The following AKR1B10 variants were observed in gnomAD, a reference collection of about 807,000 sequenced individuals.
AKR1B10 encodes the protein aldo-keto reductase family 1 member B10.
Under a neutral mutation model 38.9 loss-of-function variants are expected in AKR1B10, and 39 were observed. The observed-to-expected ratio is 1.00, with a 90% CI of 0.78 to 1.31. The LOEUF (loss-of-function observed/expected upper bound fraction) is 1.31. AKR1B10 is among the 50% of genes most tolerant of loss of function. The probability of loss-of-function intolerance (pLI) is 0.00; values close to 1 mark genes in which losing one functional copy is unlikely to be tolerated. For synonymous variants in AKR1B10, 148 were observed against 141.2 expected (o/e 1.05, Z -0.34); for missense variants, 361 against 382.6 (o/e 0.94, Z 0.47).
rs763014179 is a variant in AKR1B10 at position 134,538,170 on chromosome 7, G to T, written c.742-24G>T. 7.5e-6 allele frequency: 12 copies of T among 1,604,518 alleles called. No individual in the cohort carries two copies. The Admixed American group carries it at 1.0e-4, about 13-fold the overall frequency. On this transcript the variant is annotated intron_variant, in intron 7 of 9. Transcript: ENST00000359579. ...GAGGGGTCTTTGGAGCTGAGTGGAA[G>T]CCTGATGTCCCCTTTCCGCATAGGT...
At chr7:134,534,443 A>AT (rs1464369786) in intron 4 of AKR1B10, among the ~76,000 whole-genome samples, 4 of 152,140 alleles carry the variant, frequency 2.6e-5, no homozygotes, top group South Asian at 2.1e-4. Context: ...ATATGATAAG[A>AT]TTTTTTTATC....
intron 1 of AKR1B10, among the ~76,000 whole-genome samples, chr7:134,529,091 A>C (rs923154194): frequency 1.3e-5 from 2 of 152,164 alleles, no homozygotes; most frequent in African/African-American, 4.8e-5. Context: ...GATGAGAAGC[A>C]GTCTTTGGAG....
rs750907491 is a variant in AKR1B10 at position 134,530,815 on chromosome 7, A to G, written c.234+5A>G. 1.2e-6 allele frequency: 2 copies of G among 1,607,034 alleles called. No individual in the cohort carries two copies. Among genetic ancestry groups the G allele is most frequent in the Non-Finnish European group, 1.7e-6 (2 of 1,176,540 alleles). On this transcript the variant is annotated splice_donor_5th_base_variant and intron_variant, in intron 2 of 9. Transcript: ENST00000359579. ...GACCTGTTCATCGTCAGCAAGGTGC[A>G]ATGGTGCATTTGGTGGGAGGCCTTC...
chr7:134,536,710 C>T lies in AKR1B10; in HGVS notation c.490C>T (p.His164Tyr), dbSNP rs377213229. The T allele has an allele frequency of 1.9e-6, 3 of 1,613,906 alleles. No homozygotes were observed. The highest frequency in any genetic ancestry group is 2.5e-6 in the Non-Finnish European group (3 of 1,179,828). ...VKALGVSNFS[H>Y]FQIEKLLNKP... ...AGCCCTTGGGGTCTCCAATTTCAGCCACTTCCAGATCGAGAAGCTCTTGAA... is the reference window on the plus strand; with the variant it reads ...AGCCCTTGGGGTCTCCAATTTCAGCTACTTCCAGATCGAGAAGCTCTTGAA... Residue 164 changes from histidine (H) to tyrosine (Y), a missense_variant, in exon 5 of 10, where the codon CAC becomes TAC. His to Tyr is a moderately conservative substitution (Grantham distance 83, BLOSUM62 2). This residue lies in a region of AKR1B10 where 220 missense variants were observed against 216.1 expected (regional missense o/e 1.02). Transcript: ENST00000359579.
At position 134,527,724 on chromosome 7, in the gene AKR1B10, T is replaced by TTTCATTAA; in HGVS notation, c.-188_-187insTTCATTAA. The TTTCATTAA allele has an allele frequency of 2.0e-6, 1 of 499,804 alleles. No homozygotes were observed. The highest frequency in any genetic ancestry group is 3.3e-6 in the Non-Finnish European group (1 of 307,390). 31.0% of individuals were successfully genotyped at this position (499,804 alleles called of 1,614,324 possible). On this transcript the variant is annotated 5_prime_UTR_variant, in exon 1 of 10. Transcript: ENST00000359579. Reference sequence around the variant, plus strand: ...AGCTGGGAGTCACGGTGGGCGCCTGTAATCCCAGCTACTCGGGAGGCTGAG... The same window carrying TTTCATTAA: ...AGCTGGGAGTCACGGTGGGCGCCTGTTTCATTAAAATCCCAGCTACTCGGGAGGCTGAG...
At chr7:134,541,001 G>C (rs765632712) in intron 9 of AKR1B10, 46 bp from the exon 10 acceptor site, 3 of 1,381,870 alleles carry the variant, frequency 2.2e-6, no homozygotes, top group Non-Finnish European at 3.1e-6. Flanking sequence ...TTGTTGTTTT[G>C]ATGGAACTCA....
intron 4 of AKR1B10, among the ~76,000 whole-genome samples, 153 bp downstream of exon 4, chr7:134,533,234 G>T (rs563382284): frequency 6.6e-6 from 1 of 152,036 alleles, no homozygotes; most frequent in Non-Finnish European, 1.5e-5. Context: ...ATCACCTTTG[G>T]CTTTTGGGTA....
At chr7:134,536,031 C>G (rs1241314557) in intron 4 of AKR1B10, among the ~76,000 whole-genome samples, 1 of 152,234 alleles carries the variant, frequency 6.6e-6, no homozygotes, top group African/African-American at 2.4e-5. Context: ...GATATGCAAA[C>G]AGTGGGTCAG....
chr7:134,537,054 G>T lies in AKR1B10; in HGVS notation c.556G>T (p.Glu186Ter), dbSNP rs760571364. ...TGAGGATTGTTTGCTGTTGCAGGTT[G>T]AGTGTCACCCATACCTCACACAGGA... ...LKYKPVTNQV[E>*]CHPYLTQEKL... Residue 186 changes from glutamate to a stop codon, truncating the protein, a stop_gained, in exon 6 of 10, where the codon GAG becomes TAG. Transcript: ENST00000359579. LOFTEE classifies it high-confidence loss of function. The T allele has an allele frequency of 5.1e-6, 8 of 1,578,860 alleles. No homozygotes were observed. The highest frequency in any genetic ancestry group is 3.5e-5 in the Admixed American group (2 of 56,352).
intron 2 of AKR1B10, among the ~76,000 whole-genome samples, chr7:134,531,689 G>A (rs1197387115): frequency 3.3e-5 from 5 of 152,294 alleles, no homozygotes; most frequent in Middle Eastern, 3.4e-3. Flanking sequence ...TAGAGTACTA[G>A]GACAGTTGAA....
In AKR1B10 at chr7:134,538,822, G is replaced by A. The variant is rs185649956; in HGVS notation, c.826-113G>A. ...CGTGGACAGAATGGGAAAAACTCCT[G>A]TGGCCAGTTTGTGCTGTGAATGTGA... On this transcript the variant is annotated intron_variant, in intron 8 of 9. Coordinates refer to ENST00000359579, the MANE Select transcript of AKR1B10 (RefSeq NM_020299.5). 8.0e-4 allele frequency: 995 copies of A among 1,238,290 alleles called. 2 individuals carry two copies. Among genetic ancestry groups the A allele is most frequent in the African/African-American group, 2.8e-3 (189 of 66,462 alleles). 76.7% of individuals were successfully genotyped at this position (1,238,290 alleles called of 1,614,324 possible). A position where few individuals can be genotyped will look rare whatever the true frequency, so the allele number is the denominator to read the frequency against.
chr7:134,529,025 C>T (rs955748488), intron 1 of AKR1B10, among the ~76,000 whole-genome samples: 3 of 152,138 alleles, frequency 2.0e-5, no homozygotes, highest in African/African-American at 4.8e-5. Flanking sequence ...GTTCCATCAC[C>T]ACCTCCCTCT....
intron 4 of AKR1B10, chr7:134,535,607 T>TTTTTA: frequency 5.3e-6 from 5 of 951,622 alleles, no homozygotes; most frequent in East Asian, 1.2e-4. Flanking sequence ...TTTTTTTTTT[T>TTTTTA]TCTTTTGAGG....
chr7:134,537,149 T>C lies in AKR1B10; in HGVS notation c.651T>C (p.Asp217=), dbSNP rs1191905008. ...VTAYSPLGSP[D]RPWAKPEDPS... Reference sequence around the variant, plus strand: ...CCTACAGCCCCCTGGGCTCTCCGGATAGACCTTGGTGAGGCTTCCAAGTGG... The same window carrying C: ...CCTACAGCCCCCTGGGCTCTCCGGACAGACCTTGGTGAGGCTTCCAAGTGG... The change falls in exon 6 of 10, where the codon GAT becomes GAC. Residue 217 remains aspartate, a synonymous_variant. Coordinates refer to ENST00000359579, the MANE Select transcript of AKR1B10 (RefSeq NM_020299.5). The C allele has an allele frequency of 6.3e-7, 1 of 1,590,810 alleles. No homozygotes were observed. Among genetic ancestry groups the C allele is most frequent in the Non-Finnish European group, 8.6e-7 (1 of 1,169,474 alleles).
In AKR1B10 at chr7:134,541,202, G is replaced by A; in HGVS notation, c.*113G>A. The A allele has an allele frequency of 2.5e-6, 2 of 794,424 alleles. No individual in the cohort carries two copies. The highest frequency in any genetic ancestry group is 1.7e-5 in the South Asian group (1 of 60,492). The allele number at this position is 794,424 out of a possible 1,614,324, so 49.2% of individuals were successfully genotyped here. On this transcript the variant is annotated 3_prime_UTR_variant, in exon 10 of 10. Coordinates refer to ENST00000359579, the MANE Select transcript of AKR1B10 (RefSeq NM_020299.5). ...CTTATTTAAGATCACAGTGAACTTA[G>A]TCCTGTTATAGACGAGAATCGAGGT...
At chr7:134,538,659 C>T (rs1008216132) in intron 8 of AKR1B10, among the ~76,000 whole-genome samples, 15 of 152,284 alleles carry the variant, frequency 9.9e-5, no homozygotes, top group Non-Finnish European at 1.8e-4. Context: ...CCTCTAGAAG[C>T]ACCTGTCATG....
chr7:134,534,778 A>G (rs1351823866), intron 4 of AKR1B10, among the ~76,000 whole-genome samples: 5 of 152,206 alleles, frequency 3.3e-5, no homozygotes, highest in Middle Eastern at 3.2e-3. Flanking sequence ...CTTTTAAATT[A>G]TCTAATTGCC....
rs200987419 is a variant in AKR1B10 at position 134,536,787 on chromosome 7, G to A, written c.552+15G>A. 1 of 1,613,762 alleles carries A rather than the reference G, an allele frequency of 6.2e-7. No individual in the cohort carries two copies. The highest frequency in any genetic ancestry group is 8.5e-7 in the Non-Finnish European group (1 of 1,179,752). ...TGACTAACCAGGTAAATTCTATTCA[G>A]TTTAAGGGTAAGGGTCCTGCCCTAT... On this transcript the variant is annotated intron_variant, in intron 5 of 9. Coordinates refer to ENST00000359579, the MANE Select transcript of AKR1B10 (RefSeq NM_020299.5).
intron 8 of AKR1B10, 136 bp downstream of exon 8, chr7:134,538,413 C>A: frequency 1.1e-6 from 1 of 900,704 alleles, no homozygotes; most frequent in South Asian, 1.6e-5. Flanking sequence ...TTTTCCAGCC[C>A]AGGGAGCTAG....
Sources: allele counts gnomAD v4.1 joint callset (sites outside exome capture counted in the v4.1 genomes callset), GRCh38; gene constraint gnomAD v4.1.1; regional missense constraint gnomAD v4.1.1; transcripts MANE v1.5; gene names NCBI Gene and HGNC (gene_info 2026-07-23, HGNC 2026-07-21).